The following ATP7B variants were observed in gnomAD, a reference collection of about 807,000 sequenced individuals.
ATP7B encodes copper-transporting ATPase 2.
A neutral mutation model predicts 118.9 loss-of-function variants in ATP7B; 113 were observed. That is an observed-to-expected ratio of 0.95 (90% CI 0.82 to 1.11). ATP7B has a LOEUF of 1.11. Among genes scored for constraint, ATP7B ranks in the 50% most tolerant of loss-of-function variants. The pLI, the probability that ATP7B is intolerant of heterozygous loss-of-function variation, is 0.00. For synonymous variants in ATP7B, 777 were observed against 727.4 expected (o/e 1.07, Z -1.10); for missense variants, 1,867 against 1,871.4 (o/e 1.00, Z 0.04).
intron 4 of ATP7B, among the ~76,000 whole-genome samples, chr13:51,967,863 T>G (rs1449406696): frequency 6.6e-6 from 1 of 152,222 alleles, no homozygotes; most frequent in East Asian, 1.9e-4. Context: ...TCCATTGTTT[T>G]CAATAATGTG....
intron 1 of ATP7B, among the ~76,000 whole-genome samples, chr13:51,981,620 C>A (rs886894999): frequency 2.0e-5 from 3 of 152,130 alleles, no homozygotes; most frequent in African/African-American, 7.2e-5. Flanking sequence ...TCACCCAAAC[C>A]ATCCCAGGCA....
intron 9 of ATP7B, among the ~76,000 whole-genome samples, chr13:51,950,764 G>A (rs1957950532): frequency 6.6e-6 from 1 of 152,108 alleles, no homozygotes; most frequent in African/African-American, 2.4e-5. Context: ...GAGGAGACAT[G>A]GAAGGGCTTC....
intron 2 of ATP7B, among the ~76,000 whole-genome samples, 186 bp from the exon 3 acceptor site, chr13:51,970,935 T>C (rs1375695223): frequency 1.3e-5 from 2 of 152,126 alleles, no homozygotes; most frequent in Admixed American, 6.5e-5. Flanking sequence ...CTGCTGTTGT[T>C]AATCTCTGGG....
chr13:51,956,421 C>T (rs898284875), intron 9 of ATP7B, among the ~76,000 whole-genome samples: 2 of 152,176 alleles, frequency 1.3e-5, no homozygotes, highest in Admixed American at 6.5e-5. Flanking sequence ...CAAGGCACAA[C>T]GCCTCTGAAA....
At chr13:51,993,794 T>C (rs941358217) in intron 1 of ATP7B, among the ~76,000 whole-genome samples, 4 of 152,192 alleles carry the variant, frequency 2.6e-5, no homozygotes, top group African/African-American at 9.7e-5. Flanking sequence ...GGATTTATCA[T>C]CCACTTTGCA....
rs770175227 is a variant in ATP7B at position 51,974,082 on chromosome 13, T to C, written c.1138A>G (p.Met380Val). ...TGCACCCCTTCCAGTTGGGAGATCA[T>C]GCCTTCAATGGAATGGACACAGGAT... ...CASCVHSIEG[M>V]ISQLEGVQQI... The change falls in exon 2 of 21, where the codon ATG (methionine) becomes GTG (valine). Residue 380 changes from methionine to valine, a missense_variant. By Grantham distance (21) the Met-to-Val change is conservative. Coordinates refer to ENST00000242839, the MANE Select transcript of ATP7B (RefSeq NM_000053.4). 5 of 1,614,124 alleles carry C rather than the reference T, an allele frequency of 3.1e-6. No individual in the cohort carries two copies. The highest frequency in any genetic ancestry group is 1.7e-4 in the Middle Eastern group (1 of 6,060).
chr13:51,949,806 T>C lies in ATP7B; in HGVS notation c.2731-10A>G. 9.3e-6 allele frequency: 15 copies of C among 1,613,772 alleles called. No individual in the cohort carries two copies. The highest frequency in any genetic ancestry group is 1.3e-5 in the Non-Finnish European group (15 of 1,179,984). ...GCTGCTGAATGGGTGCCTATGAAAATAAAACACCAAGACCATGGGAAATTA... is the reference window on the plus strand; with the variant it reads ...GCTGCTGAATGGGTGCCTATGAAAACAAAACACCAAGACCATGGGAAATTA... On this transcript the variant is annotated splice_polypyrimidine_tract_variant and intron_variant, in intron 11 of 20. Transcript: ENST00000242839.
chr13:51,940,594 A>G (rs2408510), intron 16 of ATP7B, among the ~76,000 whole-genome samples: 86,735 of 151,690 alleles, frequency 0.57, 24,949 homozygotes, highest in Middle Eastern at 0.65. Flanking sequence ...GTAGTGAGAC[A>G]AGTCACACCA....
intron 1 of ATP7B, among the ~76,000 whole-genome samples, chr13:52,007,850 A>G (rs1953847258): frequency 6.6e-6 from 1 of 152,204 alleles, no homozygotes; most frequent in African/African-American, 2.4e-5. Flanking sequence ...TCACCAGTTT[A>G]TTATACAAAA....
intron 1 of ATP7B, among the ~76,000 whole-genome samples, chr13:51,982,416 G>A (rs914271938): frequency 7.2e-5 from 11 of 152,160 alleles, no homozygotes; most frequent in African/African-American, 2.7e-4. Context: ...TTTAAGTGTA[G>A]ACACAGGGCA....
chr13:52,007,854 T>C (rs1472551344), intron 1 of ATP7B, among the ~76,000 whole-genome samples: 1 of 152,170 alleles, frequency 6.6e-6, no homozygotes, highest in Non-Finnish European at 1.5e-5. Context: ...CAGTTTATTA[T>C]ACAAAATACA....
rs989063765 is a variant in ATP7B at position 51,934,207 on chromosome 13, C to G, written c.*549G>C. 1 of 192,774 alleles carries G rather than the reference C, an allele frequency of 5.2e-6. No individual in the cohort carries two copies. Among genetic ancestry groups the G allele is most frequent in the Non-Finnish European group, 1.1e-5 (1 of 91,946 alleles). 11.9% of individuals were successfully genotyped at this position (192,774 alleles called of 1,614,324 possible). A position where few individuals can be genotyped will look rare whatever the true frequency, so the allele number is the denominator to read the frequency against. On this transcript the variant is annotated 3_prime_UTR_variant, in exon 21 of 21. Transcript: ENST00000242839. ...CAGGCAGGGTTGCGAGGGGTCCCCA[C>G]TGACAAGCACACAGGAGAGAAAAGG...
rs1445936516 is a variant in ATP7B at position 51,961,934 on chromosome 13, G to A, written c.1870-21C>T. 45 of 1,599,996 alleles carry A rather than the reference G, an allele frequency of 2.8e-5. 1 individual carries two copies. The East Asian group carries it at 1.0e-3, about 36-fold the overall frequency. On this transcript the variant is annotated intron_variant, in intron 5 of 20. Transcript: ENST00000242839. Reference sequence around the variant, plus strand: ...ATTTCCTTGTCATTAAAAAGAGAGGGGTGGGGAAAAAGGAGGAAGGTACTT... The same window carrying A: ...ATTTCCTTGTCATTAAAAAGAGAGGAGTGGGGAAAAAGGAGGAAGGTACTT...
At position 51,941,197 on chromosome 13, in the gene ATP7B, A is replaced by C. The variant is rs753759128; in HGVS notation, c.3440T>G (p.Leu1147Arg). The C allele has an allele frequency of 1.9e-6, 3 of 1,614,216 alleles. No individual in the cohort carries two copies. The highest frequency in any genetic ancestry group is 2.5e-6 in the Non-Finnish European group (3 of 1,180,046). Residue 1147 changes from leucine (L) to arginine (R), a missense_variant, in exon 16 of 21, where the codon CTG becomes CGG. Physicochemically the swap from Leu to Arg is moderately radical, Grantham distance 102. Transcript: ENST00000242839. Reference sequence around the variant, plus strand: ...CCTCAGCCACTCACGGTTTCCAATCAGCACAGAGAAGGTCTGGGGGACTGC... The same window carrying C: ...CCTCAGCCACTCACGGTTTCCAATCCGCACAGAGAAGGTCTGGGGGACTGC... ...KDAVPQTFSVLIGNREWLRRN... is the reference protein window; with the variant it reads ...KDAVPQTFSVRIGNREWLRRN...
At chr13:52,002,459 G>A (rs1263329128) in intron 1 of ATP7B, among the ~76,000 whole-genome samples, 1 of 147,330 alleles carries the variant, frequency 6.8e-6, no homozygotes, top group Admixed American at 6.8e-5. Context: ...CCAACTACTC[G>A]AGAAGCTGAG....
intron 19 of ATP7B, among the ~76,000 whole-genome samples, chr13:51,935,921 G>A (rs977233151): frequency 9.9e-5 from 15 of 152,176 alleles, no homozygotes; most frequent in Non-Finnish European, 4.4e-5. Flanking sequence ...TCTTCCACTC[G>A]CCCTGATGTT....
At chr13:52,009,422 G>C (rs919087612) in intron 1 of ATP7B, among the ~76,000 whole-genome samples, 1 of 152,084 alleles carries the variant, frequency 6.6e-6, no homozygotes, top group Admixed American at 6.6e-5. Flanking sequence ...ATCTACATAA[G>C]ACCACCTTTG....
At chr13:51,961,631 A>C (rs1958749545) in intron 6 of ATP7B, among the ~76,000 whole-genome samples, 1 of 152,200 alleles carries the variant, frequency 6.6e-6, no homozygotes, top group Non-Finnish European at 1.5e-5. Flanking sequence ...CGGCTATCAC[A>C]CTGGGCAGTG....
intron 1 of ATP7B, among the ~76,000 whole-genome samples, chr13:52,008,950 C>T (rs1438458821): frequency 2.6e-5 from 4 of 152,158 alleles, no homozygotes; most frequent in Admixed American, 2.6e-4. Flanking sequence ...TCACAACTCA[C>T]TGTAGCCTCA....
Sources: gnomAD v4.1 joint callset for allele counts (sites outside exome capture counted in the v4.1 genomes callset) on GRCh38, gnomAD v4.1.1 for gene constraint, MANE v1.5 for transcripts, NCBI Gene and HGNC (gene_info 2026-07-23, HGNC 2026-07-21) for gene names.